The following NHLRC2 variants were observed in gnomAD, a reference collection of about 807,000 sequenced individuals.
The protein encoded by NHLRC2 is NHL repeat-containing protein 2.
In NHLRC2, 33 loss-of-function variants were observed where a neutral mutation model predicts 68.1. The ratio of observed to expected loss-of-function variants is 0.48; its 90% confidence interval spans 0.37 to 0.65. The LOEUF (loss-of-function observed/expected upper bound fraction) is 0.65, where lower values mean the gene tolerates loss of function less well. NHLRC2 is among the 30% of genes least tolerant of loss of function. The pLI is 0.00. For missense variants in NHLRC2, 761 were observed against 853.8 expected (o/e 0.89, Z 1.35); for synonymous variants, 311 against 309.6 (o/e 1.00, Z -0.05).
At position 113,913,961 on chromosome 10, in the gene NHLRC2, C is replaced by T. The variant is rs1030100756; in HGVS notation, c.*5425C>T. The stretch of plus-strand genomic sequence containing the variant: ...CTACCGGGTTCAAGTGATCCTCCTG[C>T]CTCAGCCTCCCAAGTAGCTGGCGCT... On this transcript the variant is annotated 3_prime_UTR_variant, in exon 11 of 11. Coordinates refer to ENST00000369301, the MANE Select transcript of NHLRC2 (RefSeq NM_198514.4). 2.0e-5 allele frequency: 3 copies of T among 151,140 alleles called. No individual in the cohort carries two copies. Among genetic ancestry groups the T allele is most frequent in the Non-Finnish European group, 2.9e-5 (2 of 68,042 alleles). The allele number at this position is 151,140 out of a possible 1,614,324, so 9.4% of individuals were successfully genotyped here.
rs371326099 is a variant in NHLRC2, at chr10:113,858,691, T to G, written c.331+11T>G. 2 of 1,599,080 alleles carry G rather than the reference T, an allele frequency of 1.3e-6. No homozygotes were observed. Among genetic ancestry groups the G allele is most frequent in the Non-Finnish European group, 1.7e-6 (2 of 1,167,714 alleles). On this transcript the variant is annotated intron_variant, in intron 2 of 10. Coordinates refer to ENST00000369301, the MANE Select transcript of NHLRC2 (RefSeq NM_198514.4). The stretch of plus-strand genomic sequence containing the variant: ...CATACTCTGATAAAGGTATCTGCTC[T>G]TTAATTAGTTTCTAACAGACTGTCC...
intron 3 of NHLRC2, among the ~76,000 whole-genome samples, chr10:113,879,244 C>T (rs1037696784): frequency 6.6e-6 from 1 of 152,036 alleles, no homozygotes; most frequent in South Asian, 2.1e-4. Flanking sequence ...AGGAGCATAT[C>T]TTTCAAAATT....
At chr10:113,856,486 C>CAA (rs10690660) in intron 1 of NHLRC2, among the ~76,000 whole-genome samples, 1 of 151,628 alleles carries the variant, frequency 6.6e-6, no homozygotes, top group African/African-American at 2.4e-5. Flanking sequence ...CTTATCCCAT[C>CAA]AAACTTTAAA....
chr10:113,861,085 C>G (rs550738007), intron 2 of NHLRC2, among the ~76,000 whole-genome samples: 1 of 152,006 alleles, frequency 6.6e-6, no homozygotes, highest in Non-Finnish European at 1.5e-5. Context: ...TGTAGAGACT[C>G]GAAGACAGAT....
intron 2 of NHLRC2, among the ~76,000 whole-genome samples, chr10:113,870,552 G>A (rs1054894892): frequency 6.6e-6 from 1 of 152,174 alleles, no homozygotes; most frequent in Admixed American, 6.5e-5. Context: ...TATCCTGTGT[G>A]TTGGCTCTTA....
At position 113,891,552 on chromosome 10, in the gene NHLRC2, CAT is replaced by C. The variant is rs754713322; in HGVS notation, c.1040-6557_1040-6556del. Reference sequence around the variant, plus strand: ...TTATTATTGCTATGTCAATGCACCACATGTTTTAAATTCCTCTAGCTGGGCAG... The same window carrying C: ...TTATTATTGCTATGTCAATGCACCACGTTTTAAATTCCTCTAGCTGGGCAG... On this transcript the variant is annotated intron_variant, in intron 5 of 10. Coordinates refer to ENST00000369301, the MANE Select transcript of NHLRC2 (RefSeq NM_198514.4). 2.0e-5 allele frequency among the ~76,000 whole-genome samples: 3 copies of C among 152,160 alleles called. No individual in the cohort carries two copies. The East Asian group carries it at 5.8e-4, about 29-fold the overall frequency.
chr10:113,896,582 G>T (rs1009559377), intron 5 of NHLRC2, among the ~76,000 whole-genome samples: 1 of 151,254 alleles, frequency 6.6e-6, no homozygotes, highest in Admixed American at 6.6e-5. Context: ...TGAGTTAGTG[G>T]GTGCAGCGCA....
intron 2 of NHLRC2, among the ~76,000 whole-genome samples, chr10:113,859,873 T>A (rs1031875317): frequency 2.0e-5 from 3 of 152,164 alleles, no homozygotes; most frequent in African/African-American, 7.2e-5. Context: ...ACAATTGAGC[T>A]AGAACTTGAA....
chr10:113,908,173 G>A (rs78597741), intron 10 of NHLRC2, 107 bp from the exon 11 acceptor site: 1 of 827,584 alleles, frequency 1.2e-6, no homozygotes, highest in Non-Finnish European at 1.9e-6. Flanking sequence ...GGCACTTAGA[G>A]ATTTTTTAAT....
rs1239631496 is a variant in NHLRC2 at position 113,876,535 on chromosome 10, A to G, written c.346A>G (p.Ile116Val). ...TTTCCTTTCAGATGGTCTTCTTATTATTGGTGTTCACTCGGCTAAGTTTCC... is the reference window on the plus strand; with the variant it reads ...TTTCCTTTCAGATGGTCTTCTTATTGTTGGTGTTCACTCGGCTAAGTTTCC... Reference protein sequence around the residue: ...TYSDKDGLLIIGVHSAKFPNE... With the variant: ...TYSDKDGLLIVGVHSAKFPNE... Residue 116 changes from isoleucine (I) to valine (V), a missense_variant, in exon 3 of 11, where the codon ATT (isoleucine) becomes GTT (valine). Ile to Val is a conservative substitution (Grantham distance 29, BLOSUM62 3). Coordinates refer to ENST00000369301, the MANE Select transcript of NHLRC2 (RefSeq NM_198514.4). 6.3e-7 allele frequency: 1 copy of G among 1,592,408 alleles called. No individual in the cohort carries two copies. The highest frequency in any genetic ancestry group is 8.6e-7 in the Non-Finnish European group (1 of 1,168,444).
intron 5 of NHLRC2, among the ~76,000 whole-genome samples, chr10:113,895,408 T>C (rs529421676): frequency 3.9e-5 from 6 of 152,254 alleles, no homozygotes; most frequent in Non-Finnish European, 5.9e-5. Context: ...ATATGTAACA[T>C]GTAAGATAGT....
At chr10:113,858,006 G>T in intron 1 of NHLRC2, among the ~76,000 whole-genome samples, 1 of 135,104 alleles carries the variant, frequency 7.4e-6, no homozygotes, top group African/African-American at 2.7e-5. Context: ...GTATCTAATT[G>T]TTTATGTAAT....
chr10:113,906,818 C>G (rs1846279846), intron 10 of NHLRC2, among the ~76,000 whole-genome samples: 1 of 152,156 alleles, frequency 6.6e-6, no homozygotes, highest in South Asian at 2.1e-4. Context: ...TGAAACCCAT[C>G]TCTACTAAAA....
Position 113,913,396 on chromosome 10 carries a change from C to T in NHLRC2, c.*4860C>T, listed in dbSNP as rs1306387354. 2.0e-5 allele frequency: 3 copies of T among 152,100 alleles called. No individual in the cohort carries two copies. The highest frequency in any genetic ancestry group is 2.9e-5 in the Non-Finnish European group (2 of 68,030). The allele number at this position is 152,100 out of a possible 1,614,324, so 9.4% of individuals were successfully genotyped here. On this transcript the variant is annotated 3_prime_UTR_variant, in exon 11 of 11. Transcript: ENST00000369301. ...TTTGCATTATATACTGTTATTCAGACCTTGGAACAGTCTATAATTGTTTGT... is the reference window on the plus strand; with the variant it reads ...TTTGCATTATATACTGTTATTCAGATCTTGGAACAGTCTATAATTGTTTGT...
At chr10:113,869,217 A>G (rs1290629260) in intron 2 of NHLRC2, among the ~76,000 whole-genome samples, 2 of 152,182 alleles carry the variant, frequency 1.3e-5, no homozygotes, top group Non-Finnish European at 2.9e-5. Flanking sequence ...TTGATTGTGG[A>G]TTAAGTATGG....
intron 6 of NHLRC2, among the ~76,000 whole-genome samples, chr10:113,899,689 G>A (rs1846211480): frequency 6.6e-6 from 1 of 152,288 alleles, no homozygotes; most frequent in Non-Finnish European, 1.5e-5. Flanking sequence ...GGGGGCCGAG[G>A]CAGGCAGATC....
rs190961993 is a variant in NHLRC2, at chr10:113,883,660, T to C, written c.910-591T>C. Among the ~76,000 whole-genome samples the C allele has an allele frequency of 2.0e-5, 3 of 152,028 alleles. No homozygotes were observed. The East Asian group carries it at 5.8e-4, about 29-fold the overall frequency. On this transcript the variant is annotated intron_variant, in intron 4 of 10. Coordinates refer to ENST00000369301, the MANE Select transcript of NHLRC2 (RefSeq NM_198514.4). The stretch of plus-strand genomic sequence containing the variant: ...TACATTAGTTTTTCAGTTTATAAAG[T>C]AAAGTCCGTAAAGTGTCATGGAACT...
At chr10:113,879,365 A>G (rs996733278) in intron 3 of NHLRC2, among the ~76,000 whole-genome samples, 11 of 152,170 alleles carry the variant, frequency 7.2e-5, no homozygotes, top group East Asian at 3.8e-4. Context: ...ATATACTACT[A>G]TGCTTAAGTG....
At chr10:113,893,438 A>G (rs1042104576) in intron 5 of NHLRC2, among the ~76,000 whole-genome samples, 13 of 152,210 alleles carry the variant, frequency 8.5e-5, no homozygotes, top group African/African-American at 3.1e-4. Flanking sequence ...TTTTTATAAA[A>G]TGAAGATGAT....
Sources: allele counts gnomAD v4.1 joint callset (sites outside exome capture counted in the v4.1 genomes callset), GRCh38; gene constraint gnomAD v4.1.1; transcripts MANE v1.5; gene names NCBI Gene and HGNC (gene_info 2026-07-23, HGNC 2026-07-21).